CUX1: variants seen among roughly 807,000 people sequenced by gnomAD.
The protein encoded by CUX1 is protein CASP.
Under a neutral mutation model 158.8 loss-of-function variants are expected in CUX1, and 31 were observed. The observed-to-expected ratio is 0.20, with a 90% CI of 0.15 to 0.26. The LOEUF (loss-of-function observed/expected upper bound fraction) is 0.26. CUX1 is among the 10% of genes least tolerant of loss of function. The pLI, the probability that CUX1 is intolerant of heterozygous loss-of-function variation, is 1.00. For missense variants in CUX1, 1,589 were observed against 2,014.6 expected (o/e 0.79, Z 4.04); for synonymous variants, 879 against 862.1 (o/e 1.02, Z -0.34).
intron 2 of CUX1, among the ~76,000 whole-genome samples, chr7:102,003,268 C>T (rs923532738): frequency 2.7e-5 from 4 of 149,764 alleles, no homozygotes; most frequent in African/African-American, 9.9e-5. Flanking sequence ...CACAGCCCCT[C>T]CCCACTAAGC....
chr7:102,104,502 G>T lies in CUX1; in HGVS notation c.530+43G>T, dbSNP rs782562464. On this transcript the variant is annotated intron_variant, in intron 6 of 23. Coordinates refer to ENST00000292535, the MANE Select transcript of CUX1 (RefSeq NM_181552.4). ...GCACACACAGACTGACATAGCATTT[G>T]CCCCTGAACTTCACATCATCAGACA... The T allele has an allele frequency of 3.1e-6, 5 of 1,597,150 alleles. No homozygotes were observed. The African/African-American group carries it at 6.7e-5, about 22-fold the overall frequency.
upstream of CUX1, chr7:101,816,972 T>C (rs1791892385): frequency 1.0e-6 from 1 of 982,412 alleles, no homozygotes; most frequent in African/African-American, 1.8e-5. Context: ...CCCGCGCACC[T>C]CGCGGCCGCC....
Position 102,202,133 on chromosome 7 carries a change from A to G in CUX1, c.2836A>G (p.Ile946Val). The G allele has an allele frequency of 6.2e-7, 1 of 1,614,014 alleles. No homozygotes were observed. Among genetic ancestry groups the G allele is most frequent in the East Asian group, 2.2e-5 (1 of 44,866 alleles). Reference sequence around the variant, plus strand: ...CTACATGTACCAGGAGGTGGACACCATCGAGCTCACCCGGCAGGTTAAGGA... The same window carrying G: ...CTACATGTACCAGGAGGTGGACACCGTCGAGCTCACCCGGCAGGTTAAGGA... ...EVYMYQEVDT[I>V]ELTRQVKEKL... is the part of the protein sequence containing the mutation. The change falls in exon 18 of 24, where the codon ATC becomes GTC. Residue 946 changes from isoleucine (I) to valine (V), a missense_variant. By Grantham distance (29) the Ile-to-Val change is conservative. Transcript: ENST00000292535.
intron 2 of CUX1, among the ~76,000 whole-genome samples, chr7:101,921,402 C>G (rs547294031): frequency 6.6e-6 from 1 of 152,164 alleles, no homozygotes; most frequent in South Asian, 2.1e-4. Flanking sequence ...ATTTCTGTTC[C>G]TCAGAGCTAG....
rs1637262 is a variant in CUX1, at chr7:102,103,436, A to T, written c.407-900A>T. On this transcript the variant is annotated intron_variant, in intron 5 of 23. Transcript: ENST00000292535. Reference sequence around the variant, plus strand: ...CTCCGTTTCTCTCTCTCTCTCTCTCACTCACTCACTCACTCACTCACTCAC... The same window carrying T: ...CTCCGTTTCTCTCTCTCTCTCTCTCTCTCACTCACTCACTCACTCACTCAC... Among the ~76,000 whole-genome samples the T allele has an allele frequency of 8.6e-4, 70 of 80,944 alleles. 1 individual carries two copies. The South Asian group carries it at 0.013, about 15-fold the overall frequency. The allele number at this position is 80,944 out of a possible 152,430, so 53.1% of individuals were successfully genotyped here. A position where few individuals can be genotyped will look rare whatever the true frequency, so the allele number is the denominator to read the frequency against.
intron 2 of CUX1, among the ~76,000 whole-genome samples, chr7:101,921,773 T>TA (rs34874200): frequency 3.4e-4 from 51 of 150,012 alleles, no homozygotes; most frequent in African/African-American, 3.2e-4. Flanking sequence ...CGGGCAACTT[T>TA]AAAAAAAAAA....
chr7:102,148,168 G>A (rs930316995), intron 8 of CUX1, among the ~76,000 whole-genome samples: 1 of 152,084 alleles, frequency 6.6e-6, no homozygotes, highest in Non-Finnish European at 1.5e-5. Context: ...CTGTGGAGAG[G>A]CCTCTCAGAG....
Position 102,239,437 on chromosome 7 carries a change from C to G in CUX1, c.3740C>G (p.Pro1247Arg). ...CAGCCCCAGCACCAGCTGAAGAAAC[C>G]CCGGGTGGTGCTGGCTCCGGAGGAG... ...SPQPQHQLKK[P>R]RVVLAPEEKE... The change falls in exon 23 of 24, where the codon CCC (proline) becomes CGC (arginine). Residue 1247 changes from proline (P) to arginine (R), a missense_variant. Physicochemically the swap from Pro to Arg is moderately radical, Grantham distance 103. Around this residue, in one of 8 missense-constraint regions of CUX1, gnomAD observed 259 missense variants for 373.8 expected, o/e 0.69. Coordinates refer to ENST00000292535, the MANE Select transcript of CUX1 (RefSeq NM_181552.4). 6.2e-7 allele frequency: 1 copy of G among 1,613,984 alleles called. No homozygotes were observed. The highest frequency in any genetic ancestry group is 8.5e-7 in the Non-Finnish European group (1 of 1,179,938).
rs769308021 is a variant in CUX1 at position 101,916,138 on chromosome 7, G to A, written c.54G>A (p.Thr18=). Residue 18 remains threonine (T), a synonymous_variant, in exon 2 of 24, where the codon ACG becomes ACA. Coordinates refer to ENST00000292535, the MANE Select transcript of CUX1 (RefSeq NM_181552.4). This position sits in a 1 kb window ranked among gnomAD's most constrained non-coding sequence, Gnocchi z 4.4. ...RLKRELDATA[T]VLANRQDESE... The stretch of plus-strand genomic sequence containing the variant: ...AGAGAGAACTCGATGCCACCGCAAC[G>A]GTATTGGCGAACCGGCAGGATGAAA... 27 of 1,613,534 alleles carry A rather than the reference G, an allele frequency of 1.7e-5. No individual in the cohort carries two copies. Among genetic ancestry groups the A allele is most frequent in the South Asian group, 3.3e-5 (3 of 91,050 alleles).
At position 101,991,620 on chromosome 7, in the gene CUX1, G is replaced by A. The variant is rs182717476; in HGVS notation, c.142-36478G>A. ...CTAAAAATACCAAAATTAGCTGGAC[G>A]TGGTGGTGTGCACCTGTAATCCCAG... On this transcript the variant is annotated intron_variant, in intron 2 of 23. Transcript: ENST00000292535. Among the ~76,000 whole-genome samples the A allele has an allele frequency of 4.1e-3, 623 of 152,240 alleles. 7 individuals are homozygous for A. Among genetic ancestry groups the A allele is most frequent in the African/African-American group, 0.014 (588 of 41,548 alleles).
chr7:102,242,590 AT>A (rs1800342969), intron 23 of CUX1, among the ~76,000 whole-genome samples: 2 of 152,210 alleles, frequency 1.3e-5, no homozygotes, highest in Admixed American at 6.5e-5. Context: ...GGCATGTGTG[AT>A]AACGCTTTCT....
At chr7:101,888,472 T>C (rs1015970667) in intron 1 of CUX1, among the ~76,000 whole-genome samples, 5 of 152,228 alleles carry the variant, frequency 3.3e-5, no homozygotes, top group African/African-American at 1.2e-4. Context: ...CTTAATACAT[T>C]GGTTTATTCT....
At chr7:101,992,202 G>A (rs1053467459) in intron 2 of CUX1, among the ~76,000 whole-genome samples, 2 of 152,086 alleles carry the variant, frequency 1.3e-5, no homozygotes, top group African/African-American at 4.8e-5. Context: ...TTCCTACTGA[G>A]CTCCTTAAAG....
chr7:101,908,602 C>A (rs1029884352), intron 1 of CUX1, among the ~76,000 whole-genome samples: 1 of 152,180 alleles, frequency 6.6e-6, no homozygotes, highest in Non-Finnish European at 1.5e-5. Context: ...AGCCACCATG[C>A]CTGGCCTCAA....
intron 1 of CUX1, among the ~76,000 whole-genome samples, chr7:101,874,077 A>G (rs1243402954): frequency 1.3e-5 from 2 of 152,230 alleles, no homozygotes; most frequent in Admixed American, 1.3e-4. Context: ...ATCATATTTC[A>G]TATTCTTTGG....
intron 22 of CUX1, among the ~76,000 whole-genome samples, chr7:102,237,993 G>C (rs886762607): frequency 2.0e-5 from 3 of 152,156 alleles, no homozygotes; most frequent in Admixed American, 1.3e-4. Flanking sequence ...GAGACTTTTA[G>C]TACTTTCACT....
chr7:102,155,585 G>A (rs1789665422), intron 8 of CUX1, among the ~76,000 whole-genome samples: 1 of 151,450 alleles, frequency 6.6e-6, no homozygotes, highest in Non-Finnish European at 1.5e-5. Context: ...CTTGCAATTT[G>A]CCTTAAGTAA....
In CUX1 at chr7:102,065,329, C is replaced by T. The variant is rs551426214; in HGVS notation, c.190-5010C>T. 7.9e-5 allele frequency among the ~76,000 whole-genome samples: 12 copies of T among 152,302 alleles called. No individual in the cohort carries two copies. In the South Asian group the frequency reaches 2.5e-3, roughly 32 times the overall value. ...TCCTAGGCTCAAGCCCTCCTCCCAC[C>T]TCAGTTTCCCAAAGTGCTGGGATTA... On this transcript the variant is annotated intron_variant, in intron 3 of 23. Coordinates refer to ENST00000292535, the MANE Select transcript of CUX1 (RefSeq NM_181552.4).
chr7:101,955,891 TAA>T (rs36062543), intron 2 of CUX1, among the ~76,000 whole-genome samples: 1 of 143,294 alleles, frequency 7.0e-6, no homozygotes, highest in Non-Finnish European at 1.5e-5. Flanking sequence ...TTTCTAAGGT[TAA>T]AAAAAAAAGG....
Sources: allele counts gnomAD v4.1 joint callset (sites outside exome capture counted in the v4.1 genomes callset), GRCh38; gene constraint gnomAD v4.1.1; regional missense constraint gnomAD v4.1.1; non-coding constraint Gnocchi (gnomAD v3.1); transcripts MANE v1.5; gene names NCBI Gene and HGNC (gene_info 2026-07-23, HGNC 2026-07-21).